Variants in CCBE1 observed in about 807,000 individuals in gnomAD.
The protein encoded by CCBE1 is collagen and calcium-binding EGF domain-containing protein 1.
A neutral mutation model predicts 50.0 loss-of-function variants in CCBE1; 37 were observed. The observed-to-expected ratio is 0.74, with a 90% confidence interval of 0.57 to 0.97. CCBE1 has a LOEUF of 0.97. CCBE1 is among the 50% of genes least tolerant of loss of function. The pLI, the probability that CCBE1 is intolerant of heterozygous loss-of-function variation, is 0.00. For missense variants in CCBE1, 538 were observed against 523.8 expected (o/e 1.03, Z -0.26); for synonymous variants, 234 against 203.7 (o/e 1.15, Z -1.27).
At chr18:59,616,364 C>T (rs2053636576) in intron 2 of CCBE1, among the ~76,000 whole-genome samples, 2 of 152,202 alleles carry the variant, frequency 1.3e-5, no homozygotes, top group Admixed American at 1.3e-4. Context: ...ATGTGATTAA[C>T]TCAAGTTCCA....
chr18:59,485,017 T>C lies in CCBE1; in HGVS notation c.213-4779A>G, dbSNP rs555098063. 5.3e-5 allele frequency among the ~76,000 whole-genome samples: 8 copies of C among 152,342 alleles called. No homozygotes were observed. The East Asian group carries it at 1.5e-3, about 29-fold the overall frequency. On this transcript the variant is annotated intron_variant, in intron 2 of 10. Coordinates refer to ENST00000439986, the MANE Select transcript of CCBE1 (RefSeq NM_133459.4). ...TGTTAGATCTAACTACAAACACTGCTGTGTGGTTTTTATCTTTAGAAAAAC... is the reference window on the plus strand; with the variant it reads ...TGTTAGATCTAACTACAAACACTGCCGTGTGGTTTTTATCTTTAGAAAAAC...
chr18:59,665,581 C>T (rs533054138), intron 2 of CCBE1, among the ~76,000 whole-genome samples: 49 of 152,286 alleles, frequency 3.2e-4, no homozygotes, highest in African/African-American at 1.1e-3. Flanking sequence ...TCACTGCTCC[C>T]GGAAACAACT....
intron 2 of CCBE1, among the ~76,000 whole-genome samples, chr18:59,694,127 C>G (rs1358829094): frequency 1.3e-5 from 2 of 152,060 alleles, no homozygotes. Flanking sequence ...ACCTCCGCCT[C>G]CCAAAGTGCT....
chr18:59,516,762 G>A (rs1914392546), intron 2 of CCBE1, among the ~76,000 whole-genome samples: 1 of 152,164 alleles, frequency 6.6e-6, no homozygotes, highest in Admixed American at 6.5e-5. Flanking sequence ...AATGTGGCAG[G>A]AGTGTAAGAT....
chr18:59,470,886 T>C (rs1598929258), intron 3 of CCBE1, among the ~76,000 whole-genome samples: 2 of 152,160 alleles, frequency 1.3e-5, no homozygotes, highest in East Asian at 3.9e-4. Context: ...GTGACAAGTA[T>C]TGTGCCACTC....
chr18:59,557,665 G>T (rs1427313431), intron 2 of CCBE1, among the ~76,000 whole-genome samples: 1 of 152,064 alleles, frequency 6.6e-6, no homozygotes, highest in East Asian at 1.9e-4. Context: ...TTTATATGGG[G>T]TATAACCAAG....
chr18:59,697,308 G>T lies in CCBE1; in HGVS notation c.35C>A (p.Ala12Asp). The T allele has an allele frequency of 6.5e-7, 1 of 1,549,098 alleles. No individual in the cohort carries two copies. Among genetic ancestry groups the T allele is most frequent in the Non-Finnish European group, 8.7e-7 (1 of 1,146,910 alleles). ...VPPPPSRGGA[A>D]RGQLGRSLGP... is the part of the protein sequence containing the mutation. The stretch of plus-strand genomic sequence containing the variant: ...CAGGCTCCTGCCCAGCTGGCCCCTG[G>T]CAGCTCCTCCCCGGCTCGGAGGCGG... The change falls in exon 1 of 11, where the codon GCC (alanine) becomes GAC (aspartate). Residue 12 changes from alanine (A) to aspartate (D), a missense_variant. Transcript: ENST00000439986.
intron 2 of CCBE1, among the ~76,000 whole-genome samples, chr18:59,513,301 C>T (rs1191612989): frequency 7.8e-6 from 1 of 128,572 alleles, no homozygotes; most frequent in Non-Finnish European, 1.6e-5. Context: ...GAGAGACTGT[C>T]TCAAAAAAAC....
At chr18:59,606,163 G>C (rs1381764640) in intron 2 of CCBE1, among the ~76,000 whole-genome samples, 1 of 152,182 alleles carries the variant, frequency 6.6e-6, no homozygotes, top group Admixed American at 6.5e-5. Flanking sequence ...TCGGAAAAAT[G>C]CTTCGGACAA....
chr18:59,535,367 G>C (rs968518325), intron 2 of CCBE1, among the ~76,000 whole-genome samples: 1 of 152,176 alleles, frequency 6.6e-6, no homozygotes, highest in African/African-American at 2.4e-5. Flanking sequence ...TTCACACCAA[G>C]ACTGGCAGAA....
intron 2 of CCBE1, among the ~76,000 whole-genome samples, chr18:59,632,520 T>C (rs1347542435): frequency 6.6e-6 from 1 of 151,852 alleles, no homozygotes; most frequent in East Asian, 1.9e-4. Context: ...GTCATCTACC[T>C]GCCTCGGCCT....
At chr18:59,476,597 C>T (rs1465804182) in intron 3 of CCBE1, among the ~76,000 whole-genome samples, 1 of 152,226 alleles carries the variant, frequency 6.6e-6, no homozygotes, top group African/African-American at 2.4e-5. Flanking sequence ...TTCCAATAAA[C>T]CTTCATTTAC....
intron 2 of CCBE1, among the ~76,000 whole-genome samples, chr18:59,506,440 A>T (rs1195804407): frequency 6.6e-6 from 1 of 152,198 alleles, no homozygotes; most frequent in Non-Finnish European, 1.5e-5. Context: ...AGCCCAAGAA[A>T]ACTAAGACAC....
At chr18:59,619,029 ACT>A (rs1491560723) in intron 2 of CCBE1, among the ~76,000 whole-genome samples, 1 of 152,218 alleles carries the variant, frequency 6.6e-6, no homozygotes, top group Admixed American at 6.5e-5. Context: ...TTAGAAATTA[ACT>A]TTTTCTCCTG....
intron 2 of CCBE1, among the ~76,000 whole-genome samples, chr18:59,510,139 T>C (rs1271002152): frequency 1.3e-5 from 2 of 152,312 alleles, no homozygotes; most frequent in Non-Finnish European, 2.9e-5. Flanking sequence ...TTTCCTTTGA[T>C]TGTGAGAGAC....
intron 2 of CCBE1, among the ~76,000 whole-genome samples, chr18:59,607,702 A>T (rs17780707): frequency 5.9e-5 from 9 of 152,030 alleles, no homozygotes; most frequent in African/African-American, 1.9e-4. Flanking sequence ...GACTCAACCA[A>T]GGTTCAAATC....
intron 2 of CCBE1, among the ~76,000 whole-genome samples, chr18:59,663,899 A>C (rs1405211232): frequency 2.0e-5 from 3 of 152,208 alleles, no homozygotes; most frequent in Non-Finnish European, 4.4e-5. Flanking sequence ...ACCAAGATCG[A>C]AAACACAAAG....
intron 2 of CCBE1, among the ~76,000 whole-genome samples, chr18:59,506,284 G>A (rs540992853): frequency 6.6e-6 from 1 of 152,278 alleles, no homozygotes; most frequent in South Asian, 2.1e-4. Context: ...CTAGGACAGA[G>A]GCATGGACCA....
intron 2 of CCBE1, among the ~76,000 whole-genome samples, chr18:59,516,595 T>TA (rs1439962240): frequency 4.6e-5 from 7 of 152,218 alleles, no homozygotes; most frequent in Admixed American, 3.3e-4. Flanking sequence ...TATCTTTGTT[T>TA]ACCTCCTGTT....
Sources: gnomAD v4.1 joint callset for allele counts (sites outside exome capture counted in the v4.1 genomes callset) on GRCh38, gnomAD v4.1.1 for gene constraint, MANE v1.5 for transcripts, NCBI Gene and HGNC (gene_info 2026-07-23, HGNC 2026-07-21) for gene names.